NCBP1: variants seen among roughly 807,000 people sequenced by gnomAD.
The protein encoded by NCBP1 is nuclear cap binding protein subunit 1.
NCBP1 carries 16 observed loss-of-function variants against 111.7 expected under a neutral mutation model. The observed-to-expected ratio is 0.14, with a 90% confidence interval of 0.10 to 0.22. The LOEUF (loss-of-function observed/expected upper bound fraction) is 0.22, where lower values mean the gene tolerates loss of function less well. Ranked by LOEUF, NCBP1 falls within the 10% of genes least tolerant of loss-of-function variation. NCBP1 has a pLI of 1.00. For synonymous variants in NCBP1, 304 were observed against 314.3 expected (o/e 0.97, Z 0.35); for missense variants, 607 against 957.5 (o/e 0.63, Z 4.83).
At chr9:97,643,102 C>A in intron 3 of NCBP1, 102 bp from the exon 4 acceptor site, 2 of 1,197,690 alleles carry the variant, frequency 1.7e-6, no homozygotes, top group Non-Finnish European at 2.3e-6. Context: ...TAAAAGTAAT[C>A]CTGTTCCAAA....
At chr9:97,644,352 T>G (rs1294888670) in intron 4 of NCBP1, among the ~76,000 whole-genome samples, 1 of 152,174 alleles carries the variant, frequency 6.6e-6, no homozygotes, top group Non-Finnish European at 1.5e-5. Flanking sequence ...ACACCTTGTT[T>G]TTGAACCTCT....
chr9:97,636,641 TA>T (rs1827045789), intron 1 of NCBP1, among the ~76,000 whole-genome samples: 1 of 42,888 alleles, frequency 2.3e-5, no homozygotes, highest in African/African-American at 1.8e-4. Context: ...GTAATACATA[TA>T]TATATATATA....
At chr9:97,642,485 CT>C (rs1244203863) in intron 3 of NCBP1, among the ~76,000 whole-genome samples, 1 of 151,964 alleles carries the variant, frequency 6.6e-6, no homozygotes, top group East Asian at 1.9e-4. Flanking sequence ...ATTCTTATTG[CT>C]TTTTGAGCTA....
In NCBP1 at chr9:97,661,035, G is replaced by A. The variant is rs756898200; in HGVS notation, c.1567G>A (p.Asp523Asn). The A allele has an allele frequency of 1.9e-6, 3 of 1,612,844 alleles. No homozygotes were observed. Among genetic ancestry groups the A allele is most frequent in the Non-Finnish European group, 2.5e-6 (3 of 1,179,754 alleles). ...TNDEIFSILK[D>N]VPNPNQDDDD... Reference sequence around the variant, plus strand: ...TGATGAAATCTTCAGCATTCTGAAAGATGTACCAAATCCTAACCAGGATGA... The same window carrying A: ...TGATGAAATCTTCAGCATTCTGAAAAATGTACCAAATCCTAACCAGGATGA... The change falls in exon 16 of 23, where the codon GAT (aspartate) becomes AAT (asparagine). Residue 523 changes from aspartate to asparagine, a missense_variant. Transcript: ENST00000375147.
intron 20 of NCBP1, among the ~76,000 whole-genome samples, chr9:97,668,595 C>T (rs1021424552): frequency 6.6e-6 from 1 of 152,106 alleles, no homozygotes. Context: ...CATGTTGTTA[C>T]CAAGACAAGT....
At position 97,664,346 on chromosome 9, in the gene NCBP1, G is replaced by A; in HGVS notation, c.1804G>A (p.Ala602Thr). The A allele has an allele frequency of 6.2e-7, 1 of 1,601,148 alleles. No individual in the cohort carries two copies. Among genetic ancestry groups the A allele is most frequent in the South Asian group, 1.1e-5 (1 of 90,664 alleles). The change falls in exon 19 of 23, where the codon GCT becomes ACT. Residue 602 changes from alanine to threonine, a missense_variant. Physicochemically the swap from Ala to Thr is moderately conservative, Grantham distance 58 (BLOSUM62 0). Coordinates refer to ENST00000375147, the MANE Select transcript of NCBP1 (RefSeq NM_002486.5). ...EVWRNHPQMIAVLVDKMIRTQ... is the reference protein window; with the variant it reads ...EVWRNHPQMITVLVDKMIRTQ... ...AATAATTCTCTCATTGTAGATGATT[G>A]CTGTACTAGTGGATAAGATGATTCG... is the stretch of plus-strand genomic sequence containing the variant.
chr9:97,663,371 CA>C (rs1827894607), intron 18 of NCBP1, among the ~76,000 whole-genome samples: 2 of 152,102 alleles, frequency 1.3e-5, no homozygotes, highest in East Asian at 1.9e-4. Flanking sequence ...GACAAAGAAA[CA>C]TTTAAATAAA....
Position 97,661,732 on chromosome 9 carries a change from G to GTT in NCBP1, c.1601-293_1601-292dup, listed in dbSNP as rs34390822. Among the ~76,000 whole-genome samples the GTT allele has an allele frequency of 3.9e-3, 439 of 113,026 alleles. 3 individuals are homozygous for GTT. Among genetic ancestry groups the GTT allele is most frequent in the South Asian group, 9.3e-3 (31 of 3,332 alleles). 74.1% of individuals were successfully genotyped at this position (113,026 alleles called of 152,430 possible). A position where few individuals can be genotyped will look rare whatever the true frequency, so the allele number is the denominator to read the frequency against. ...GACATCTTAAGACATAAGCTTAAGT[G>GTT]TTTTTTTTTTTTTTTTTTGGTATTA... On this transcript the variant is annotated intron_variant, in intron 16 of 22. Transcript: ENST00000375147.
chr9:97,638,587 A>G (rs575058941), intron 1 of NCBP1, among the ~76,000 whole-genome samples: 1 of 152,306 alleles, frequency 6.6e-6, no homozygotes, highest in East Asian at 1.9e-4. Context: ...AAAAACAGCA[A>G]CAAAAAATAA....
chr9:97,652,337 G>A (rs890290318), intron 10 of NCBP1, among the ~76,000 whole-genome samples: 1 of 152,194 alleles, frequency 6.6e-6, no homozygotes, highest in East Asian at 1.9e-4. Flanking sequence ...GTATTCATGG[G>A]CCAGGCTTAG....
chr9:97,639,060 TAAG>T (rs1479526558), intron 1 of NCBP1, among the ~76,000 whole-genome samples: 1 of 152,200 alleles, frequency 6.6e-6, no homozygotes, highest in African/African-American at 2.4e-5. Flanking sequence ...GATCTATACT[TAAG>T]AATCAAGGTC....
rs144717868 is a variant in NCBP1, at chr9:97,658,257, C to T, written c.1374-383C>T. On this transcript the variant is annotated intron_variant, in intron 14 of 22. Coordinates refer to ENST00000375147, the MANE Select transcript of NCBP1 (RefSeq NM_002486.5). ...AATACCTTATTTCTACACTTCTTCT[C>T]TACCATGATTTGTAAACACCTTCTC... 9.9e-3 allele frequency among the ~76,000 whole-genome samples: 1,500 copies of T among 152,268 alleles called. 11 individuals are homozygous for T. Among genetic ancestry groups the T allele is most frequent in the Non-Finnish European group, 0.015 (1,038 of 68,026 alleles).
intron 1 of NCBP1, among the ~76,000 whole-genome samples, chr9:97,636,485 ATT>A: frequency 7.6e-6 from 1 of 131,652 alleles, no homozygotes. Flanking sequence ...ATATTTATAT[ATT>A]ATATAAATTT....
At chr9:97,670,404 C>T (rs1406267343) in intron 22 of NCBP1, among the ~76,000 whole-genome samples, 3 of 152,140 alleles carry the variant, frequency 2.0e-5, no homozygotes, top group African/African-American at 4.8e-5. Flanking sequence ...AGCAAAATGC[C>T]GGCACCTATT....
At position 97,662,068 on chromosome 9, in the gene NCBP1, A is replaced by G; in HGVS notation, c.1627A>G (p.Lys543Glu). ...DDEGFSFNPL[K>E]IEVFVQTLLH... ...TGAAGGATTCAGTTTTAACCCATTG[A>G]AAATAGAAGTCTTTGTACAGACTCT... Residue 543 changes from lysine to glutamate, a missense_variant, in exon 17 of 23, where the codon AAA becomes GAA. Lys to Glu is a moderately conservative substitution (Grantham distance 56, BLOSUM62 1). Coordinates refer to ENST00000375147, the MANE Select transcript of NCBP1 (RefSeq NM_002486.5). 6.2e-7 allele frequency: 1 copy of G among 1,613,764 alleles called. No individual in the cohort carries two copies. Among genetic ancestry groups the G allele is most frequent in the Non-Finnish European group, 8.5e-7 (1 of 1,179,686 alleles).
intron 2 of NCBP1, among the ~76,000 whole-genome samples, chr9:97,641,323 A>G (rs1345684981): frequency 1.3e-5 from 2 of 152,074 alleles, no homozygotes; most frequent in East Asian, 1.9e-4. Context: ...AACAATAACT[A>G]TCTGAATTGA....
chr9:97,663,348 A>C (rs1294889813), intron 18 of NCBP1, among the ~76,000 whole-genome samples: 1 of 152,228 alleles, frequency 6.6e-6, no homozygotes, highest in Non-Finnish European at 1.5e-5. Flanking sequence ...AAACCTTGAT[A>C]TATATTGTGT....
intron 6 of NCBP1, 90 bp downstream of exon 6, chr9:97,645,822 T>C: frequency 6.8e-7 from 1 of 1,467,196 alleles, no homozygotes; most frequent in Non-Finnish European, 9.3e-7. Flanking sequence ...AAATAAGCTG[T>C]AGAGTTCCTG....
intron 20 of NCBP1, 54 bp from the exon 21 acceptor site, chr9:97,668,792 T>C: frequency 6.3e-7 from 1 of 1,582,388 alleles, no homozygotes; most frequent in Non-Finnish European, 8.6e-7. Flanking sequence ...TGGAGGAGAT[T>C]TAACACACTG....
Sources: gnomAD v4.1 joint callset for allele counts (sites outside exome capture counted in the v4.1 genomes callset) on GRCh38, gnomAD v4.1.1 for gene constraint, MANE v1.5 for transcripts, NCBI Gene and HGNC (gene_info 2026-07-23, HGNC 2026-07-21) for gene names.